Variants in GDPD4 observed in about 807,000 individuals in gnomAD.
The protein encoded by GDPD4 is glycerophosphodiester phosphodiesterase 6.
A neutral mutation model predicts 67.8 loss-of-function variants in GDPD4; 60 were observed. The ratio of observed to expected loss-of-function variants is 0.88; its 90% CI spans 0.72 to 1.10. The LOEUF (loss-of-function observed/expected upper bound fraction) is 1.10. Among genes scored for constraint, GDPD4 ranks in the 50% least tolerant of loss-of-function variants. GDPD4 has a pLI of 0.00. For synonymous variants in GDPD4, 212 were observed against 210.9 expected (o/e 1.00, Z -0.04); for missense variants, 623 against 613.9 (o/e 1.01, Z -0.16).
intron 3 of GDPD4, among the ~76,000 whole-genome samples, chr11:77,280,983 C>T (rs1779590002): frequency 6.6e-6 from 1 of 152,216 alleles, no homozygotes. Flanking sequence ...AGAAGTCCTA[C>T]TCTATGTGAA....
At chr11:77,232,575 T>C (rs1222377794) in intron 14 of GDPD4, among the ~76,000 whole-genome samples, 1 of 152,208 alleles carries the variant, frequency 6.6e-6, no homozygotes, top group East Asian at 1.9e-4. Context: ...AGTTTCCACT[T>C]TGGAGTCAAG....
chr11:77,230,586 T>C (rs1319612230), intron 14 of GDPD4, among the ~76,000 whole-genome samples: 3 of 152,232 alleles, frequency 2.0e-5, no homozygotes, highest in Non-Finnish European at 4.4e-5. Context: ...AAATCCTAGC[T>C]AGTTCATCTG....
In GDPD4 at chr11:77,245,500, G is replaced by A. The variant is rs1958763938; in HGVS notation, c.867C>T (p.Leu289=). Residue 289 remains leucine (L), a splice_region_variant and synonymous_variant, in exon 12 of 17, where the codon CTC becomes CTT. Coordinates refer to ENST00000315938, the MANE Select transcript of GDPD4 (RefSeq NM_182833.3). The part of the protein sequence containing the change: ...NAGKWFVKPE[L]RPFYNMKPLS... ...GAGGTTTCATATTGTAAAATGGCCT[G>A]AGCTAGAAACAAATACATCAAAAAA... is the stretch of plus-strand genomic sequence containing the variant. 6.2e-6 allele frequency: 10 copies of A among 1,610,382 alleles called. No individual in the cohort carries two copies. Among genetic ancestry groups the A allele is most frequent in the Admixed American group, 3.3e-5 (2 of 59,850 alleles).
At chr11:77,284,498 T>C (rs1959905267) in intron 3 of GDPD4, among the ~76,000 whole-genome samples, 1 of 152,074 alleles carries the variant, frequency 6.6e-6, no homozygotes, top group African/African-American at 2.4e-5. Context: ...AAGCCCCATA[T>C]CCGAACAGAT....
At chr11:77,283,816 C>A (rs1259377625) in intron 3 of GDPD4, among the ~76,000 whole-genome samples, 1 of 149,910 alleles carries the variant, frequency 6.7e-6, no homozygotes, top group Admixed American at 6.6e-5. Context: ...TTGCTATAAC[C>A]TTTTGAGAAA....
At position 77,269,736 on chromosome 11, in the gene GDPD4, C is replaced by G. The variant is rs1032899457; in HGVS notation, c.478+147G>C. ...CCTCTAGTACATACACACACATTCACATACAGAGCCTGTACACAATGCCTG... is the reference window on the plus strand; with the variant it reads ...CCTCTAGTACATACACACACATTCAGATACAGAGCCTGTACACAATGCCTG... On this transcript the variant is annotated intron_variant, in intron 8 of 16. Transcript: ENST00000315938. The G allele has an allele frequency of 4.1e-5, 23 of 566,964 alleles. No homozygotes were observed. In the African/African-American group the frequency reaches 4.2e-4, roughly 10 times the overall value. 35.1% of individuals were successfully genotyped at this position (566,964 alleles called of 1,614,324 possible).
At chr11:77,289,455 C>T (rs986405426) in intron 1 of GDPD4, among the ~76,000 whole-genome samples, 1 of 147,488 alleles carries the variant, frequency 6.8e-6, no homozygotes, top group Non-Finnish European at 1.5e-5. Context: ...GCCATAGTGG[C>T]TTATGCCTGT....
chr11:77,226,529 C>CG (rs1958341633), intron 16 of GDPD4, among the ~76,000 whole-genome samples: 1 of 152,150 alleles, frequency 6.6e-6, no homozygotes, highest in African/African-American at 2.4e-5. Flanking sequence ...TAGGGCTCCT[C>CG]ACCAAATTTG....
intron 13 of GDPD4, among the ~76,000 whole-genome samples, chr11:77,235,009 G>GGTT (rs1958524240): frequency 3.8e-5 from 2 of 52,254 alleles, no homozygotes; most frequent in Non-Finnish European, 7.4e-5. Context: ...GTCAATATCT[G>GGTT]TTTTTTTTTT....
chr11:77,289,227 G>C (rs1190849839), intron 1 of GDPD4, among the ~76,000 whole-genome samples: 1 of 151,980 alleles, frequency 6.6e-6, no homozygotes, highest in Non-Finnish European at 1.5e-5. Context: ...GCTGGGCTTG[G>C]TAGTGCACAT....
intron 16 of GDPD4, among the ~76,000 whole-genome samples, chr11:77,226,440 CCAAGCA>C (rs1179388861): frequency 6.6e-6 from 1 of 152,050 alleles, no homozygotes; most frequent in Non-Finnish European, 1.5e-5. Context: ...TCCCACTCTC[CCAAGCA>C]CACACACAGA....
rs113793058 is a variant in GDPD4, at chr11:77,254,101, C to T, written c.864+4285G>A. Among the ~76,000 whole-genome samples the T allele has an allele frequency of 3.4e-3, 517 of 152,256 alleles. 1 individual carries two copies. The highest frequency in any genetic ancestry group is 0.011 in the African/African-American group (475 of 41,552). On this transcript the variant is annotated intron_variant, in intron 11 of 16. Coordinates refer to ENST00000315938, the MANE Select transcript of GDPD4 (RefSeq NM_182833.3). ...TGTGAGTAGTTCCAAGATGGCATTG[C>T]GCAGTAGCCATGTAGGCCACGGGGC...
chr11:77,219,113 G>A (rs1283577866), intron 16 of GDPD4, among the ~76,000 whole-genome samples: 2 of 152,158 alleles, frequency 1.3e-5, no homozygotes, highest in Non-Finnish European at 2.9e-5. Context: ...TCTCATTGTG[G>A]TTTTGTTTTG....
intron 13 of GDPD4, among the ~76,000 whole-genome samples, chr11:77,239,869 G>A (rs1958631107): frequency 1.3e-5 from 2 of 151,818 alleles, no homozygotes; most frequent in Non-Finnish European, 2.9e-5. Flanking sequence ...GGTTGAAGCA[G>A]GAGAATCACT....
rs1381747535 is a variant in GDPD4 at position 77,287,369 on chromosome 11, T to C, written c.-202A>G. On this transcript the variant is annotated 5_prime_UTR_variant, in exon 2 of 17. Coordinates refer to ENST00000315938, the MANE Select transcript of GDPD4 (RefSeq NM_182833.3). ...AAGCTTTTTTGGTTTTTCTGTCTTA[T>C]TCCTCTTGTGCTCAATCCTGTTGAC... 2 of 152,244 alleles carry C rather than the reference T, an allele frequency of 1.3e-5. No homozygotes were observed. Among genetic ancestry groups the C allele is most frequent in the African/African-American group, 2.4e-5 (1 of 41,472 alleles). 9.4% of individuals were successfully genotyped at this position (152,244 alleles called of 1,614,324 possible). A position where few individuals can be genotyped will look rare whatever the true frequency, so the allele number is the denominator to read the frequency against.
At chr11:77,258,928 T>C (rs1959056713) in intron 10 of GDPD4, among the ~76,000 whole-genome samples, 1 of 152,214 alleles carries the variant, frequency 6.6e-6, no homozygotes, top group South Asian at 2.1e-4. Context: ...TGTATTATTC[T>C]GATCCTTTCC....
rs184384296 is a variant in GDPD4 at position 77,271,689 on chromosome 11, A to G, written c.208-296T>C. The stretch of plus-strand genomic sequence containing the variant: ...CTCCAGCCTCAGCTGGGTCCTCAAC[A>G]TTGCTTGGTATCTCTTACTCAGATT... On this transcript the variant is annotated intron_variant, in intron 5 of 16. Coordinates refer to ENST00000315938, the MANE Select transcript of GDPD4 (RefSeq NM_182833.3). Among the ~76,000 whole-genome samples, 236 of 152,296 alleles carry G rather than the reference A, an allele frequency of 1.5e-3. 3 individuals are homozygous for G. The highest frequency in any genetic ancestry group is 5.5e-3 in the African/African-American group (228 of 41,554).
At position 77,271,145 on chromosome 11, in the gene GDPD4, A is replaced by C; in HGVS notation, c.385T>G (p.Cys129Gly). The C allele has an allele frequency of 6.2e-7, 1 of 1,610,644 alleles. No individual in the cohort carries two copies. Among genetic ancestry groups the C allele is most frequent in the Non-Finnish European group, 8.5e-7 (1 of 1,177,816 alleles). Reference sequence around the variant, plus strand: ...TGTGACATACCTTCTCTTTCCAAACATGCCACGTAGAAGGCCACAGGCCAG... The same window carrying C: ...TGTGACATACCTTCTCTTTCCAAACCTGCCACGTAGAAGGCCACAGGCCAG... ...LFWPVAFYVA[C>G]LEREVRMRRY... The change falls in exon 7 of 17, where the codon TGT becomes GGT. Residue 129 changes from cysteine (C) to glycine (G), a missense_variant. Coordinates refer to ENST00000315938, the MANE Select transcript of GDPD4 (RefSeq NM_182833.3).
intron 13 of GDPD4, among the ~76,000 whole-genome samples, chr11:77,241,246 C>A (rs1373550098): frequency 1.3e-5 from 2 of 152,128 alleles, no homozygotes; most frequent in African/African-American, 4.8e-5. Context: ...TACTATTCAG[C>A]CTTTAAAAAG....
Sources: allele counts gnomAD v4.1 joint callset (sites outside exome capture counted in the v4.1 genomes callset), GRCh38; gene constraint gnomAD v4.1.1; transcripts MANE v1.5; gene names NCBI Gene and HGNC (gene_info 2026-07-23, HGNC 2026-07-21).